The following RSPO3 variants were observed in gnomAD, a reference collection of about 807,000 sequenced individuals.
RSPO3 encodes R-spondin 3.
RSPO3 carries 17 observed loss-of-function variants against 36.5 expected under a neutral mutation model. The ratio of observed to expected loss-of-function variants is 0.47; its 90% CI spans 0.32 to 0.70. RSPO3 has a LOEUF of 0.70. Ranked by LOEUF, RSPO3 falls within the 30% of genes least tolerant of loss-of-function variation. The pLI is 0.04. For synonymous variants in RSPO3, 108 were observed against 107.0 expected (o/e 1.01, Z -0.06); for missense variants, 294 against 322.5 (o/e 0.91, Z 0.68).
At chr6:127,140,894 A>C (rs1237723280) in intron 1 of RSPO3, among the ~76,000 whole-genome samples, 1 of 152,146 alleles carries the variant, frequency 6.6e-6, no homozygotes, top group Non-Finnish European at 1.5e-5. Context: ...TCCTGGGTTT[A>C]CATAATGACT....
intron 1 of RSPO3, among the ~76,000 whole-genome samples, chr6:127,141,442 T>C (rs183086036): frequency 6.6e-6 from 1 of 152,336 alleles, no homozygotes; most frequent in East Asian, 1.9e-4. Flanking sequence ...AATGTTAGGT[T>C]TGTTTTATTG....
chr6:127,177,488 G>A (rs62438501), intron 4 of RSPO3, among the ~76,000 whole-genome samples: 548 of 151,916 alleles, frequency 3.6e-3, no homozygotes, highest in Non-Finnish European at 6.5e-3. Context: ...ACAGGATTGC[G>A]ATGTAATCTG....
chr6:127,130,356 A>G (rs966893305), intron 1 of RSPO3, among the ~76,000 whole-genome samples: 3 of 152,152 alleles, frequency 2.0e-5, no homozygotes, highest in Non-Finnish European at 4.4e-5. Context: ...TGACTTCAGT[A>G]TATTTCAGCA....
At chr6:127,185,027 G>A (rs1319834106) in intron 4 of RSPO3, among the ~76,000 whole-genome samples, 1 of 151,950 alleles carries the variant, frequency 6.6e-6, no homozygotes, top group Non-Finnish European at 1.5e-5. Context: ...AAAGCACAGT[G>A]AAAAGCTGTA....
chr6:127,177,189 C>T (rs1393689557), intron 4 of RSPO3, among the ~76,000 whole-genome samples: 1 of 151,874 alleles, frequency 6.6e-6, no homozygotes, highest in Non-Finnish European at 1.5e-5. Flanking sequence ...AAATAACCAA[C>T]AAATCATCAA....
chr6:127,146,149 T>C (rs1185945349), intron 1 of RSPO3, among the ~76,000 whole-genome samples: 1 of 152,148 alleles, frequency 6.6e-6, no homozygotes, highest in Non-Finnish European at 1.5e-5. Flanking sequence ...AGAAATAAGG[T>C]TTGCCATCAT....
At chr6:127,164,175 TGTGGCA>T (rs1774768366) in intron 4 of RSPO3, among the ~76,000 whole-genome samples, 1 of 152,096 alleles carries the variant, frequency 6.6e-6, no homozygotes, top group Admixed American at 6.6e-5. Flanking sequence ...TTTGAATCAC[TGTGGCA>T]GAGGAATTGG....
intron 4 of RSPO3, among the ~76,000 whole-genome samples, chr6:127,169,208 GT>G (rs796898605): frequency 1.0e-4 from 15 of 147,120 alleles, no homozygotes; most frequent in East Asian, 4.0e-4. Flanking sequence ...CAGCATCTGG[GT>G]TTTTTTTTTC....
At chr6:127,179,051 G>A (rs1377861657) in intron 4 of RSPO3, among the ~76,000 whole-genome samples, 2 of 151,842 alleles carry the variant, frequency 1.3e-5, no homozygotes, top group Non-Finnish European at 2.9e-5. Flanking sequence ...TTGTCTTAAA[G>A]TTGATCTTGC....
At chr6:127,162,868 C>T (rs2114604682) in intron 4 of RSPO3, among the ~76,000 whole-genome samples, 1 of 152,298 alleles carries the variant, frequency 6.6e-6, no homozygotes, top group African/African-American at 2.4e-5. Context: ...TGAAACTTCT[C>T]TGCTTACATT....
At chr6:127,140,811 G>A (rs1279326085) in intron 1 of RSPO3, among the ~76,000 whole-genome samples, 1 of 152,090 alleles carries the variant, frequency 6.6e-6, no homozygotes, top group Non-Finnish European at 1.5e-5. Flanking sequence ...TACCTGTCAT[G>A]TTGCTCCTTG....
At chr6:127,180,386 C>T (rs895800591) in intron 4 of RSPO3, among the ~76,000 whole-genome samples, 1 of 148,044 alleles carries the variant, frequency 6.8e-6, no homozygotes, top group Non-Finnish European at 1.5e-5. Context: ...AGGCACTGGG[C>T]AGATTTAAAA....
At chr6:127,181,607 G>C (rs1293449660) in intron 4 of RSPO3, among the ~76,000 whole-genome samples, 2 of 151,822 alleles carry the variant, frequency 1.3e-5, no homozygotes, top group Non-Finnish European at 2.9e-5. Context: ...AGACCTTGCA[G>C]GATCCAAAAG....
chr6:127,142,414 A>T (rs192550641), intron 1 of RSPO3, among the ~76,000 whole-genome samples: 26 of 152,324 alleles, frequency 1.7e-4, no homozygotes, highest in African/African-American at 5.8e-4. Flanking sequence ...GACTTTTCTT[A>T]AAGTGATCGT....
intron 1 of RSPO3, among the ~76,000 whole-genome samples, chr6:127,146,410 A>G (rs530676107): frequency 2.6e-5 from 4 of 152,252 alleles, no homozygotes; most frequent in African/African-American, 9.6e-5. Context: ...GGCACATCTC[A>G]TAATTTCAGT....
intron 1 of RSPO3, among the ~76,000 whole-genome samples, chr6:127,122,934 G>A (rs184068395): frequency 1.2e-4 from 18 of 151,772 alleles, no homozygotes; most frequent in Admixed American, 4.6e-4. Context: ...CTAGTAGCTC[G>A]GTTTTAATTG....
chr6:127,152,316 G>A (rs944966518), intron 3 of RSPO3, among the ~76,000 whole-genome samples: 10 of 152,170 alleles, frequency 6.6e-5, no homozygotes, highest in South Asian at 4.1e-4. Flanking sequence ...GGCTGGCTCC[G>A]GTTGTTTGCT....
At chr6:127,138,121 G>C (rs1424704386) in intron 1 of RSPO3, among the ~76,000 whole-genome samples, 1 of 152,136 alleles carries the variant, frequency 6.6e-6, no homozygotes, top group Non-Finnish European at 1.5e-5. Context: ...ATATTTGGGA[G>C]TGGCATCTTA....
intron 1 of RSPO3, among the ~76,000 whole-genome samples, chr6:127,136,751 T>G (rs1003950487): frequency 6.6e-6 from 1 of 152,186 alleles, no homozygotes; most frequent in African/African-American, 2.4e-5. Context: ...GTTCTATGAC[T>G]TTTCCCACAC....
Sources: gnomAD v4.1 joint callset for allele counts (sites outside exome capture counted in the v4.1 genomes callset) on GRCh38, gnomAD v4.1.1 for gene constraint, MANE v1.5 for transcripts, NCBI Gene and HGNC (gene_info 2026-07-23, HGNC 2026-07-21) for gene names.